The following PCDHGA9 variants were observed in gnomAD, a reference collection of about 807,000 sequenced individuals.
The protein encoded by PCDHGA9 is protocadherin gamma subfamily A, 9.
Under a neutral mutation model 62.5 loss-of-function variants are expected in PCDHGA9, and 37 were observed. The ratio of observed to expected loss-of-function variants is 0.59; its 90% CI spans 0.46 to 0.78. PCDHGA9 has a LOEUF of 0.78. Among genes scored for constraint, PCDHGA9 ranks in the 30% least tolerant of loss-of-function variants. The probability of loss-of-function intolerance (pLI) is 0.00; values close to 1 mark genes in which losing one functional copy is unlikely to be tolerated. For missense variants in PCDHGA9, 1,138 were observed against 1,166.2 expected, an observed-to-expected ratio of 0.98 and a Z score of 0.35; for synonymous variants, 459 against 484.6, an observed-to-expected ratio of 0.95 and a Z score of 0.69.
Position 141,477,071 on chromosome 5 carries a change from G to T in PCDHGA9, c.2425-17736G>T. 6.2e-7 allele frequency: 1 copy of T among 1,614,226 alleles called. No individual in the cohort carries two copies. The highest frequency in any genetic ancestry group is 8.5e-7 in the Non-Finnish European group (1 of 1,180,030). ...GGACTTCGAGGACACCAAACTCCAT[G>T]AGATTTACATCCAGGCCAAAGACAA... is the stretch of plus-strand genomic sequence containing the variant. On this transcript the variant is annotated intron_variant, in intron 1 of 3. Coordinates refer to ENST00000573521, the MANE Select transcript of PCDHGA9 (RefSeq NM_018921.3). This position sits in a 1 kb window ranked among gnomAD's most constrained non-coding sequence, Gnocchi z 4.9.
rs749415234 is a variant in PCDHGA9, at chr5:141,419,462, C to A, written c.2424+14086C>A. On this transcript the variant is annotated intron_variant, in intron 1 of 3. Transcript: ENST00000573521. Reference sequence around the variant, plus strand: ...CACCTTCGAGCTCACGCTGCAGGCCCGCGACCAGGGCTCGCCCGCGCTCAG... The same window carrying A: ...CACCTTCGAGCTCACGCTGCAGGCCAGCGACCAGGGCTCGCCCGCGCTCAG... 2.5e-6 allele frequency: 4 copies of A among 1,612,582 alleles called. No homozygotes were observed. In the Admixed American group the frequency reaches 6.7e-5, roughly 27 times the overall value.
rs751563833 is a variant in PCDHGA9 at position 141,421,382 on chromosome 5, A to T, written c.2424+16006A>T. 5.6e-6 allele frequency: 9 copies of T among 1,613,906 alleles called. No homozygotes were observed. The South Asian group carries it at 8.8e-5, about 16-fold the overall frequency. ...TCCTTCGTGGGCAATATCTCCAAGG[A>T]CCTGGGGCTGGAGCCCCGGGAGCTG... On this transcript the variant is annotated intron_variant, in intron 1 of 3. Transcript: ENST00000573521.
chr5:141,501,130 G>C (rs528942194), intron 2 of PCDHGA9, among the ~76,000 whole-genome samples: 1 of 152,218 alleles, frequency 6.6e-6, no homozygotes, highest in South Asian at 2.1e-4. Flanking sequence ...GCCTCCCTAA[G>C]TGCTGGGATT....
At chr5:141,508,499 C>T (rs1425054102) in intron 3 of PCDHGA9, among the ~76,000 whole-genome samples, 7 of 152,212 alleles carry the variant, frequency 4.6e-5, no homozygotes, top group Non-Finnish European at 1.0e-4. Flanking sequence ...CATATCTTCT[C>T]TCCCTCCTGG....
intron 1 of PCDHGA9, among the ~76,000 whole-genome samples, chr5:141,483,722 C>G (rs1043315057): frequency 6.6e-6 from 1 of 152,080 alleles, no homozygotes; most frequent in Non-Finnish European, 1.5e-5. Context: ...TATTGGTTCC[C>G]ACCATAGTCA....
At chr5:141,443,845 A>C (rs923351698) in intron 1 of PCDHGA9, among the ~76,000 whole-genome samples, 19 of 152,224 alleles carry the variant, frequency 1.2e-4, no homozygotes, top group Admixed American at 5.9e-4. Context: ...GGTAATATGG[A>C]AAGTCTGAAA....
chr5:141,469,565 C>T (rs1410607165), intron 1 of PCDHGA9, among the ~76,000 whole-genome samples: 1 of 152,082 alleles, frequency 6.6e-6, no homozygotes, highest in East Asian at 1.9e-4. Context: ...CAGAGTGAGA[C>T]TCTGTCTCTA....
chr5:141,502,694 G>A (rs1039264846), intron 2 of PCDHGA9, among the ~76,000 whole-genome samples: 5 of 152,180 alleles, frequency 3.3e-5, no homozygotes, highest in African/African-American at 1.2e-4. Flanking sequence ...ATCCTTGCCT[G>A]TATCTGTTTT....
chr5:141,433,208 C>CTTTT, intron 1 of PCDHGA9: 1 of 1,293,074 alleles, frequency 7.7e-7, no homozygotes, highest in African/African-American at 1.5e-5. Flanking sequence ...AATCTTCTTT[C>CTTTT]TTTTTTTTTT....
At chr5:141,479,063 A>G (rs1476826751) in intron 1 of PCDHGA9, among the ~76,000 whole-genome samples, 1 of 152,204 alleles carries the variant, frequency 6.6e-6, no homozygotes, top group African/African-American at 2.4e-5. Context: ...ATAATTTTTT[A>G]TGAATGAAAT....
intron 1 of PCDHGA9, among the ~76,000 whole-genome samples, chr5:141,456,499 A>C (rs1283501704): frequency 6.6e-6 from 1 of 152,210 alleles, no homozygotes; most frequent in Non-Finnish European, 1.5e-5. Flanking sequence ...AAAGGGGTTA[A>C]CCAATTCCAT....
chr5:141,490,151 T>C lies in PCDHGA9; in HGVS notation c.2425-4656T>C, dbSNP rs1449636059. The stretch of plus-strand genomic sequence containing the variant: ...GACCCTAGCAGTGGGGCAATCCATG[T>C]GTTGGGTCCCATAGACTTTGAGGAG... On this transcript the variant is annotated intron_variant, in intron 1 of 3. Transcript: ENST00000573521. The surrounding 1 kb of genome is among the most constrained non-coding windows in gnomAD (Gnocchi z 5.4). 4 of 1,614,210 alleles carry C rather than the reference T, an allele frequency of 2.5e-6. No homozygotes were observed. The highest frequency in any genetic ancestry group is 3.4e-6 in the Non-Finnish European group (4 of 1,180,018).
chr5:141,419,435 C>T, intron 1 of PCDHGA9: 1 of 1,613,226 alleles, frequency 6.2e-7, no homozygotes, highest in Non-Finnish European at 8.5e-7. Context: ...CGAGCAGCTG[C>T]GCACCTTCGA....
intron 1 of PCDHGA9, chr5:141,410,320 C>A (rs752279818): frequency 6.2e-7 from 1 of 1,613,998 alleles, no homozygotes; most frequent in Non-Finnish European, 8.5e-7. Context: ...TCCTCCTCGC[C>A]GTGATTCTGG....
At chr5:141,422,166 T>A (rs370704205) in intron 1 of PCDHGA9, 1 of 1,569,256 alleles carries the variant, frequency 6.4e-7, no homozygotes, top group African/African-American at 1.4e-5. Context: ...TTGAAAAATA[T>A]AGATTCTATG....
At chr5:141,461,817 C>A (rs2099023873) in intron 1 of PCDHGA9, among the ~76,000 whole-genome samples, 1 of 150,844 alleles carries the variant, frequency 6.6e-6, no homozygotes, top group South Asian at 2.1e-4. Flanking sequence ...CCACACCCAG[C>A]TAATTTTTTT....
intron 1 of PCDHGA9, chr5:141,422,369 G>A (rs890803753): frequency 6.4e-7 from 1 of 1,566,400 alleles, no homozygotes; most frequent in Non-Finnish European, 8.6e-7. Flanking sequence ...GGAGAAAATG[G>A]TCAAGTCTCC....
chr5:141,478,118 G>A (rs1266841885), intron 1 of PCDHGA9: 1 of 1,613,930 alleles, frequency 6.2e-7, no homozygotes, highest in East Asian at 2.2e-5. Context: ...GTCAGTAACC[G>A]AGGACTCTCC....
At chr5:141,456,197 C>T (rs1353243708) in intron 1 of PCDHGA9, among the ~76,000 whole-genome samples, 1 of 152,090 alleles carries the variant, frequency 6.6e-6, no homozygotes, top group Non-Finnish European at 1.5e-5. Context: ...ATAACTCCTA[C>T]CACATTCCTC....
Sources: gnomAD v4.1 joint callset for allele counts (sites outside exome capture counted in the v4.1 genomes callset) on GRCh38, gnomAD v4.1.1 for gene constraint, Gnocchi (gnomAD v3.1) non-coding constraint, MANE v1.5 for transcripts, NCBI Gene and HGNC (gene_info 2026-07-23, HGNC 2026-07-21) for gene names.